Variants in IDS observed in about 807,000 individuals in gnomAD.
IDS encodes alpha-L-iduronate sulfate sulfatase.
A neutral mutation model predicts 33.5 loss-of-function variants in IDS; 1 was observed. The ratio of observed to expected loss-of-function variants is 0.03; its 90% confidence interval spans 0.01 to 0.14. IDS has a LOEUF of 0.14. Ranked by LOEUF, IDS falls within the 10% of genes least tolerant of loss-of-function variation. IDS has a pLI of 1.00. For synonymous variants in IDS, 191 were observed against 184.4 expected, an observed-to-expected ratio of 1.04 and a Z score of -0.29; for missense variants, 328 against 448.0, an observed-to-expected ratio of 0.73 and a Z score of 2.42.
At position 149,503,156 on chromosome X, in the gene IDS, T is replaced by C. The variant is rs373582415; in HGVS notation, c.418+156A>G. ...CACTTTGGGTGAAAACGTGGCTGGG[T>C]TGACAAGTCAGTTTTTTAGAAAGGA... On this transcript the variant is annotated intron_variant, in intron 3 of 8. Coordinates refer to ENST00000340855, the MANE Select transcript of IDS (RefSeq NM_000202.8). 1.0e-4 allele frequency: 120 copies of C among 1,162,685 alleles called. No homozygotes were observed. The African/African-American group carries it at 1.8e-3, about 17-fold the overall frequency.
At position 149,478,652 on chromosome X, in the gene IDS, T is replaced by C. The variant is rs185689277; in HGVS notation, c.*4094A>G. 2.4e-4 allele frequency: 27 copies of C among 112,851 alleles called. No homozygotes were observed. Among genetic ancestry groups the C allele is most frequent in the Admixed American group, 2.1e-3 (23 of 10,748 alleles). 9.3% of individuals were successfully genotyped at this position (112,851 alleles called of 1,213,427 possible). On this transcript the variant is annotated 3_prime_UTR_variant, in exon 9 of 9. Coordinates refer to ENST00000340855, the MANE Select transcript of IDS (RefSeq NM_000202.8). The stretch of plus-strand genomic sequence containing the variant: ...ATGTCAGCAGTGGGTATGTCTCAAA[T>C]GCTGGGCTTCTTTTCATCTCCAGTT...
At position 149,494,010 on chromosome X, in the gene IDS, T is replaced by C. The variant is rs940558163; in HGVS notation, c.879+2336A>G. On this transcript the variant is annotated intron_variant, in intron 6 of 8. Transcript: ENST00000340855. ...GTGAAAGGGAGTAGAGAAGAGGTCATGCAAACGGAGCAGCTGCAGAGGACA... is the reference window on the plus strand; with the variant it reads ...GTGAAAGGGAGTAGAGAAGAGGTCACGCAAACGGAGCAGCTGCAGAGGACA... Among the ~76,000 whole-genome samples the C allele has an allele frequency of 4.5e-5, 5 of 111,036 alleles. No individual in the cohort carries two copies. In the South Asian group the frequency reaches 1.6e-3, roughly 35 times the overall value.
chrX:149,499,438 G>A, intron 4 of IDS: 1 of 109,611 alleles, frequency 9.1e-6, no homozygotes, highest in Non-Finnish European at 1.9e-5. Flanking sequence ...CTAAGTGAAA[G>A]AAGCCAGAAA....
chrX:149,483,625 C>T (rs1315861820), intron 8 of IDS, among the ~76,000 whole-genome samples: 1 of 112,273 alleles, frequency 8.9e-6, no homozygotes, highest in East Asian at 2.8e-4. Flanking sequence ...TTAGAGTTAT[C>T]TTTGCATTTT....
chrX:149,494,024 C>T (rs1171412630), intron 6 of IDS, among the ~76,000 whole-genome samples: 1 of 111,452 alleles, frequency 9.0e-6, no homozygotes, highest in Non-Finnish European at 1.9e-5. Flanking sequence ...AACGGAGCAG[C>T]TGCAGAGGAC....
In IDS at chrX:149,503,533, C is replaced by T. The variant is rs782476905; in HGVS notation, c.241-44G>A. On this transcript the variant is annotated intron_variant, in intron 2 of 8. Transcript: ENST00000340855. The stretch of plus-strand genomic sequence containing the variant: ...AGAGGTAAGCATCGCCACAGCAAAA[C>T]ATGTCTGCCATCTCTTAGGTAACCA... The T allele has an allele frequency of 3.9e-6, 4 of 1,034,920 alleles. No homozygotes were observed. The East Asian group carries it at 1.3e-4, about 32-fold the overall frequency. The allele number at this position is 1,034,920 out of a possible 1,213,427, so 85.3% of individuals were successfully genotyped here.
rs1269145113 is a variant in IDS, at chrX:149,478,584, T to A, written c.*4162A>T. The A allele has an allele frequency of 8.0e-5, 9 of 112,844 alleles. No homozygotes were observed. The highest frequency in any genetic ancestry group is 2.9e-4 in the African/African-American group (9 of 31,044). The allele number at this position is 112,844 out of a possible 1,213,427, so 9.3% of individuals were successfully genotyped here. A position where few individuals can be genotyped will look rare whatever the true frequency, so the allele number is the denominator to read the frequency against. On this transcript the variant is annotated 3_prime_UTR_variant, in exon 9 of 9. Transcript: ENST00000340855. Reference sequence around the variant, plus strand: ...AAAGCTAAATATGTCCATATCTGCATATATGTCTTTAGGCAGGTAAAAGAA... The same window carrying A: ...AAAGCTAAATATGTCCATATCTGCAAATATGTCTTTAGGCAGGTAAAAGAA...
At chrX:149,488,397 G>A (rs782679556) in intron 7 of IDS, among the ~76,000 whole-genome samples, 5 of 109,063 alleles carry the variant, frequency 4.6e-5, no homozygotes, top group South Asian at 4.1e-4. Context: ...TCAGTGTGGC[G>A]GGAATCTAAA....
chrX:149,497,458 T>C (rs1447339564), intron 5 of IDS, among the ~76,000 whole-genome samples: 1 of 111,865 alleles, frequency 8.9e-6, no homozygotes, highest in Non-Finnish European at 1.9e-5. Context: ...CCTGGGCCAA[T>C]CAAAGCAAGA....
intron 4 of IDS, among the ~76,000 whole-genome samples, chrX:149,499,602 G>T (rs1227263670): frequency 9.0e-6 from 1 of 110,900 alleles, no homozygotes; most frequent in East Asian, 2.8e-4. Flanking sequence ...TTTTGAGAGC[G>T]ATAAAAATGA....
chrX:149,498,959 G>A (rs782742033), intron 4 of IDS, among the ~76,000 whole-genome samples: 13 of 112,217 alleles, frequency 1.2e-4, no homozygotes, highest in African/African-American at 2.9e-4. Context: ...CAAAAATGTC[G>A]AGGGCAGCAT....
intron 5 of IDS, among the ~76,000 whole-genome samples, chrX:149,497,881 C>A (rs1239793207): frequency 1.8e-5 from 2 of 112,623 alleles, no homozygotes; most frequent in Non-Finnish European, 1.9e-5. Context: ...TCAAACCCTC[C>A]AGTGGAGTGA....
At chrX:149,498,035 T>C (rs1341560955) in intron 5 of IDS, 72 bp downstream of exon 5, 3 of 974,328 alleles carry the variant, frequency 3.1e-6, no homozygotes, top group Non-Finnish European at 4.4e-6. Context: ...ACCTTCCCTG[T>C]GCAAATCCCT....
rs2089281873 is a variant in IDS, at chrX:149,479,148, G to T, written c.*3598C>A. ...ATTCTCTGCCTCAGCCTCCCAAGTA[G>T]CTGGGATTACAGGCGCCCGCCACCA... On this transcript the variant is annotated 3_prime_UTR_variant, in exon 9 of 9. Coordinates refer to ENST00000340855, the MANE Select transcript of IDS (RefSeq NM_000202.8). 1 of 112,211 alleles carries T rather than the reference G, an allele frequency of 8.9e-6. No individual in the cohort carries two copies. Among genetic ancestry groups the T allele is most frequent in the Non-Finnish European group, 1.9e-5 (1 of 53,175 alleles). The allele number at this position is 112,211 out of a possible 1,213,427, so 9.2% of individuals were successfully genotyped here.
At position 149,501,040 on chromosome X, in the gene IDS, T is replaced by G; in HGVS notation, c.419-3A>C. 1 of 1,108,261 alleles carries G rather than the reference T, an allele frequency of 9.0e-7. No individual in the cohort carries two copies. The highest frequency in any genetic ancestry group is 1.2e-6 in the Non-Finnish European group (1 of 802,766). The allele number at this position is 1,108,261 out of a possible 1,213,427, so 91.3% of individuals were successfully genotyped here. A position where few individuals can be genotyped will look rare whatever the true frequency, so the allele number is the denominator to read the frequency against. The stretch of plus-strand genomic sequence containing the variant: ...ATCGGTATGGTTAGAAGATATCCCT[T>G]GGAAAAAAAAAAAGGTTGTTAAAAC... On this transcript the variant is annotated splice_region_variant and splice_polypyrimidine_tract_variant and intron_variant, in intron 3 of 8. Coordinates refer to ENST00000340855, the MANE Select transcript of IDS (RefSeq NM_000202.8).
chrX:149,498,059 ACACAGCTGT>A lies in IDS; in HGVS notation c.708+39_708+47del, dbSNP rs781802876. On this transcript the variant is annotated intron_variant, in intron 5 of 8. Coordinates refer to ENST00000340855, the MANE Select transcript of IDS (RefSeq NM_000202.8). ...GTGCAAATCCCTCCCTCAACAAACA[ACACAGCTGT>A]CACAGCTGTGCTGGATCAGCCCTCA... is the stretch of plus-strand genomic sequence containing the variant. The A allele has an allele frequency of 2.2e-5, 24 of 1,079,502 alleles. No homozygotes were observed. In the Admixed American group the frequency reaches 2.4e-4, roughly 11 times the overall value. The allele number at this position is 1,079,502 out of a possible 1,213,427, so 89.0% of individuals were successfully genotyped here. A position where few individuals can be genotyped will look rare whatever the true frequency, so the allele number is the denominator to read the frequency against.
At chrX:149,496,174 T>C (rs1156866185) in intron 6 of IDS, among the ~76,000 whole-genome samples, 172 bp downstream of exon 6, 1 of 112,256 alleles carries the variant, frequency 8.9e-6, no homozygotes, top group Non-Finnish European at 1.9e-5. Context: ...ACACTGCCTG[T>C]GTCCTAAATA....
chrX:149,481,270 G>C lies in IDS; in HGVS notation c.*1476C>G, dbSNP rs1303226256. On this transcript the variant is annotated 3_prime_UTR_variant, in exon 9 of 9. Transcript: ENST00000340855. The stretch of plus-strand genomic sequence containing the variant: ...ATGAACAGGGCCCTTCAGTCACGGA[G>C]AAGTCGTTGTTGCCAGAACAGTCAG... 2 of 112,411 alleles carry C rather than the reference G, an allele frequency of 1.8e-5. No individual in the cohort carries two copies. Among genetic ancestry groups the C allele is most frequent in the Admixed American group, 1.9e-4 (2 of 10,645 alleles). The allele number at this position is 112,411 out of a possible 1,213,427, so 9.3% of individuals were successfully genotyped here. A position where few individuals can be genotyped will look rare whatever the true frequency, so the allele number is the denominator to read the frequency against.
At position 149,505,101 on chromosome X, in the gene IDS, G is replaced by A. The variant is rs782272803; in HGVS notation, c.37C>T (p.Leu13=). The A allele has an allele frequency of 4.2e-6, 5 of 1,203,764 alleles. No homozygotes were observed. In the Admixed American group the frequency reaches 1.1e-4, roughly 26 times the overall value. The part of the protein sequence containing the change: ...PPRTGRGLLW[L]GLVLSSVCVA... The stretch of plus-strand genomic sequence containing the variant: ...CAGACGGAGCTCAGAACCAGACCCA[G>A]CCAGAGAAGGCCTCGGCCGGTCCGG... The change falls in exon 1 of 9, where the codon CTG becomes TTG. Residue 13 remains leucine (L), a synonymous_variant. Coordinates refer to ENST00000340855, the MANE Select transcript of IDS (RefSeq NM_000202.8).
Sources: gnomAD v4.1 joint callset for allele counts (sites outside exome capture counted in the v4.1 genomes callset) on GRCh38, gnomAD v4.1.1 for gene constraint, MANE v1.5 for transcripts, NCBI Gene and HGNC (gene_info 2026-07-23, HGNC 2026-07-21) for gene names.